The following TNXB variants were observed in gnomAD, a reference collection of about 807,000 sequenced individuals.
TNXB encodes tenascin XB, also known as tenascin-X.
A neutral mutation model predicts 340.5 loss-of-function variants in TNXB; 183 were observed. The ratio of observed to expected loss-of-function variants is 0.54; its 90% CI spans 0.48 to 0.61. The LOEUF is 0.61. TNXB is among the 20% of genes least tolerant of loss of function. TNXB has a pLI of 0.00. For synonymous variants in TNXB, 2,121 were observed against 2,314.5 expected, an observed-to-expected ratio of 0.92 and a Z score of 2.40; for missense variants, 4,613 against 5,446.4, an observed-to-expected ratio of 0.85 and a Z score of 4.82.
Position 32,105,347 on chromosome 6 carries a change from G to A in TNXB, c.-9+3834C>T, listed in dbSNP as rs368970652. 1.4e-4 allele frequency among the ~76,000 whole-genome samples: 22 copies of A among 152,206 alleles called. No individual in the cohort carries two copies. In the South Asian group the frequency reaches 4.4e-3, roughly 30 times the overall value. ...GCATCATGCCATTCTCATGTGTAGC[G>A]TTTATAACAATTTGCAATCATATAT... is the stretch of plus-strand genomic sequence containing the variant. On this transcript the variant is annotated intron_variant, in intron 1 of 43. Coordinates refer to ENST00000644971, the MANE Select transcript of TNXB (RefSeq NM_001365276.2).
Position 32,044,010 on chromosome 6 carries a change from C to T in TNXB, c.11383G>A (p.Gly3795Arg), listed in dbSNP as rs1430006747. 6.3e-6 allele frequency: 10 copies of T among 1,592,484 alleles called. No individual in the cohort carries two copies. The highest frequency in any genetic ancestry group is 1.8e-4 in the Middle Eastern group (1 of 5,508). The change falls in exon 34 of 44, where the codon GGA becomes AGA. Residue 3795 changes from glycine to arginine, a missense_variant. This residue lies in a region of TNXB where 14 missense variants were observed against 33.4 expected (regional missense o/e 0.42). Transcript: ENST00000644971. Reference sequence around the variant, plus strand: ...GAGCACATGGCAAAGGCACCACCTCCGTCCGCCAGCTGGTAGGAGACTTTG... The same window carrying T: ...GAGCACATGGCAAAGGCACCACCTCTGTCCGCCAGCTGGTAGGAGACTTTG... ...SFKVSYQLAD[G>R]GEPQSVQVDG...
Position 32,041,912 on chromosome 6 carries a change from G to C in TNXB, c.12492C>G (p.Ser4164Arg), listed in dbSNP as rs1373672488. 1.5e-6 allele frequency: 1 copy of C among 664,610 alleles called. No individual in the cohort carries two copies. Among genetic ancestry groups the C allele is most frequent in the Non-Finnish European group, 2.6e-6 (1 of 388,218 alleles). The allele number at this position is 664,610 out of a possible 1,614,324, so 41.2% of individuals were successfully genotyped here. Residue 4164 changes from serine to arginine, a missense_variant, in exon 43 of 44, where the codon AGC becomes AGG. Physicochemically the swap from Ser to Arg is moderately radical, Grantham distance 110. This residue lies in a region of TNXB where 121 missense variants were observed against 177.4 expected (regional missense o/e 0.68). Transcript: ENST00000644971. ...GATCACGGGCAGAGAAGACACTGCC[G>C]CTGTGGTAGCTCATGGAGTCCCCTG... ...GTAGDSMSYH[S>R]GSVFSARDRD...
chr6:32,055,283 G>A (rs574256009), intron 24 of TNXB, among the ~76,000 whole-genome samples: 1 of 152,312 alleles, frequency 6.6e-6, no homozygotes, highest in African/African-American at 2.4e-5. Context: ...ACTGCATGGA[G>A]CATAATTCCA....
Position 32,043,272 on chromosome 6 carries a change from G to T in TNXB, c.11697C>A (p.Pro3899=), listed in dbSNP as rs1338917356. The change falls in exon 37 of 44, where the codon CCC becomes CCA. Residue 3899 remains proline, a synonymous_variant. Transcript: ENST00000644971. ...TGGTGTGGAGGACAAGGTCATGCAG[G>T]GGGTAGTCCACCGCGCTGCCTGGGG... The part of the protein sequence containing the change: ...AETPGSAVDY[P]LHDLVLHTNY... 3.2e-6 allele frequency: 1 copy of T among 308,474 alleles called. No homozygotes were observed. Among genetic ancestry groups the T allele is most frequent in the Non-Finnish European group, 5.6e-6 (1 of 179,804 alleles). 19.1% of individuals were successfully genotyped at this position (308,474 alleles called of 1,614,324 possible). A position where few individuals can be genotyped will look rare whatever the true frequency, so the allele number is the denominator to read the frequency against.
rs1369835119 is a variant in TNXB, at chr6:32,072,591, T to C, written c.4682-293A>G. On this transcript the variant is annotated intron_variant, in intron 12 of 43. Transcript: ENST00000644971. This position sits in a 1 kb window ranked among gnomAD's most constrained non-coding sequence, Gnocchi z 4.4. ...CCATCACTGCTTCTAAATTTTGTAG[T>C]TTAGTAAACGCGCCACCAAGTCCTG... Among the ~76,000 whole-genome samples, 1 of 152,226 alleles carries C rather than the reference T, an allele frequency of 6.6e-6. No individual in the cohort carries two copies. Among genetic ancestry groups the C allele is most frequent in the Non-Finnish European group, 1.5e-5 (1 of 68,032 alleles).
Position 32,096,180 on chromosome 6 carries a change from C to T in TNXB, c.1673G>A (p.Ser558Asn), listed in dbSNP as rs1382744307. Reference sequence around the variant, plus strand: ...GCGGCCTCGGCAGCCCCCGGGGCAGCTGCGCGTGCTGCAGTCTTCCCCTGA... The same window carrying T: ...GCGGCCTCGGCAGCCCCCGGGGCAGTTGCGCGTGCTGCAGTCTTCCCCTGA... ...GYSGEDCSTRSCPGGCRGRGQ... is the reference protein window; with the variant it reads ...GYSGEDCSTRNCPGGCRGRGQ... The change falls in exon 3 of 44, where the codon AGC becomes AAC. Residue 558 changes from serine (S) to asparagine (N), a missense_variant. By Grantham distance (46) the Ser-to-Asn change is conservative (BLOSUM62 1). This residue lies in a region of TNXB where 4,327 missense variants were observed against 4,859.4 expected (regional missense o/e 0.89). Coordinates refer to ENST00000644971, the MANE Select transcript of TNXB (RefSeq NM_001365276.2). The T allele has an allele frequency of 6.4e-7, 1 of 1,568,762 alleles. No homozygotes were observed. Among genetic ancestry groups the T allele is most frequent in the Non-Finnish European group, 8.6e-7 (1 of 1,159,574 alleles).
rs1434259006 is a variant in TNXB at position 32,070,594 on chromosome 6, G to A, written c.4991-180C>T. ...ATGCCTCTCTCCCCTTGACCCAAGT[G>A]GGGAGGGTCACCTGTCCTGAGTCAC... On this transcript the variant is annotated intron_variant, in intron 13 of 43. Coordinates refer to ENST00000644971, the MANE Select transcript of TNXB (RefSeq NM_001365276.2). This position sits in a 1 kb window ranked among gnomAD's most constrained non-coding sequence, Gnocchi z 6.0. Among the ~76,000 whole-genome samples, 1 of 152,110 alleles carries A rather than the reference G, an allele frequency of 6.6e-6. No individual in the cohort carries two copies. Among genetic ancestry groups the A allele is most frequent in the African/African-American group, 2.4e-5 (1 of 41,422 alleles).
rs778340683 is a variant in TNXB, at chr6:32,046,319, C to T, written c.10462G>A (p.Gly3488Arg). The T allele has an allele frequency of 5.0e-6, 8 of 1,606,758 alleles. No homozygotes were observed. Among genetic ancestry groups the T allele is most frequent in the East Asian group, 2.2e-5 (1 of 44,878 alleles). Residue 3488 changes from glycine to arginine, a missense_variant, in exon 31 of 44, where the codon GGG (glycine) becomes AGG (arginine). Coordinates refer to ENST00000644971, the MANE Select transcript of TNXB (RefSeq NM_001365276.2). This position sits in a 1 kb window ranked among gnomAD's most constrained non-coding sequence, Gnocchi z 6.9. ...SFVVQYRDTD[G>R]QPRAVPVAAD... is the part of the protein sequence containing the mutation. ...GCCACAGGCACTGCCCTGGGCTGCCCGTCCGTGTCCCTGTACTGGACCACG... is the reference window on the plus strand; with the variant it reads ...GCCACAGGCACTGCCCTGGGCTGCCTGTCCGTGTCCCTGTACTGGACCACG...
In TNXB at chr6:32,095,124, G is replaced by A; in HGVS notation, c.2310C>T (p.Thr770=). The A allele has an allele frequency of 1.3e-6, 2 of 1,549,604 alleles. No homozygotes were observed. The highest frequency in any genetic ancestry group is 1.7e-6 in the Non-Finnish European group (2 of 1,146,246). ...AGGCATCCACGGGGCCAGGAGCCGG[G>A]GTCCACTCTGTCCGAACTGTTGTCT... ...LEETTVRTEW[T]PAPGPVDAYE... The change falls in exon 4 of 44, where the codon ACC becomes ACT. Residue 770 remains threonine (T), a synonymous_variant. Transcript: ENST00000644971.
chr6:32,061,984 CA>C lies in TNXB; in HGVS notation c.7168+172del, dbSNP rs1220968718. ...AAACTCCCAATGGCCCCTCCCTGCT[CA>C]GGGGGAGCCAGGGGTCAACCACACA... On this transcript the variant is annotated intron_variant, in intron 20 of 43. Coordinates refer to ENST00000644971, the MANE Select transcript of TNXB (RefSeq NM_001365276.2). This position sits in a 1 kb window ranked among gnomAD's most constrained non-coding sequence, Gnocchi z 4.4. Among the ~76,000 whole-genome samples, 5 of 152,198 alleles carry C rather than the reference CA, an allele frequency of 3.3e-5. No homozygotes were observed. The highest frequency in any genetic ancestry group is 7.3e-5 in the Non-Finnish European group (5 of 68,034).
In TNXB at chr6:32,049,763, A is replaced by G. The variant is rs2242568; in HGVS notation, c.9440-176T>C. Among the ~76,000 whole-genome samples, 450 of 151,530 alleles carry G rather than the reference A, an allele frequency of 3.0e-3. 13 individuals carry two copies. In the East Asian group the frequency reaches 0.056, roughly 19 times the overall value. On this transcript the variant is annotated intron_variant, in intron 27 of 43. Coordinates refer to ENST00000644971, the MANE Select transcript of TNXB (RefSeq NM_001365276.2). This position sits in a 1 kb window ranked among gnomAD's most constrained non-coding sequence, Gnocchi z 4.5. ...AACACACGTAACAAGTTCCAGGGTCAGCTGTGGGGGACCTGGCACAGCCAC... is the reference window on the plus strand; with the variant it reads ...AACACACGTAACAAGTTCCAGGGTCGGCTGTGGGGGACCTGGCACAGCCAC...
intron 26 of TNXB, 32 bp from the exon 27 acceptor site, chr6:32,050,353 C>A (rs1216309559): frequency 1.2e-6 from 2 of 1,604,578 alleles, no homozygotes; most frequent in East Asian, 4.5e-5. Context: ...CAGTGAGGAC[C>A]CTGGGTTCTC....
chr6:32,046,040 C>T lies in TNXB; in HGVS notation c.10606+135G>A, dbSNP rs1435966782. On this transcript the variant is annotated intron_variant, in intron 31 of 43. Transcript: ENST00000644971. The surrounding 1 kb of genome is among the most constrained non-coding windows in gnomAD (Gnocchi z 6.9). ...GTTGAAGCCCACAGGGCTGCAGACT[C>T]CTCCTCCTTCCTGGGGACAGGCCAG... 1.4e-6 allele frequency: 2 copies of T among 1,428,876 alleles called. No homozygotes were observed. The highest frequency in any genetic ancestry group is 1.8e-6 in the Non-Finnish European group (2 of 1,095,402). 88.5% of individuals were successfully genotyped at this position (1,428,876 alleles called of 1,614,324 possible).
rs1293879773 is a variant in TNXB at position 32,076,950 on chromosome 6, C to G, written c.4375+2083G>C. Among the ~76,000 whole-genome samples, 4 of 151,918 alleles carry G rather than the reference C, an allele frequency of 2.6e-5. No homozygotes were observed. The East Asian group carries it at 7.7e-4, about 29-fold the overall frequency. On this transcript the variant is annotated intron_variant, in intron 11 of 43. Coordinates refer to ENST00000644971, the MANE Select transcript of TNXB (RefSeq NM_001365276.2). ...TGAGCTGAGATCATGCCACTGCACT[C>G]CAGCCTGGGTGACAAAGCAAGACTC...
chr6:32,068,319 C>T lies in TNXB; in HGVS notation c.6220+71G>A, dbSNP rs1483901007. On this transcript the variant is annotated intron_variant, in intron 17 of 43. Transcript: ENST00000644971. The surrounding 1 kb of genome is among the most constrained non-coding windows in gnomAD (Gnocchi z 5.3). The stretch of plus-strand genomic sequence containing the variant: ...ACCAGACCCTTGTCCCATTCCCCAC[C>T]AGTCATCACCAAAGAGCAAGAGGGT... 1 of 1,557,704 alleles carries T rather than the reference C, an allele frequency of 6.4e-7. No homozygotes were observed.
At position 32,056,096 on chromosome 6, in the gene TNXB, T is replaced by G; in HGVS notation, c.8222A>C (p.Glu2741Ala). 1 of 1,612,484 alleles carries G rather than the reference T, an allele frequency of 6.2e-7. No homozygotes were observed. Among genetic ancestry groups the G allele is most frequent in the Non-Finnish European group, 8.5e-7 (1 of 1,179,778 alleles). ...PEPPEEPLLG[E>A]LTVTGSSPDS... ...AGGGGAGGATCCTGTCACTGTCAGC[T>G]CCCCCAGGAGCGGCTCCTCAGGGGG... The change falls in exon 24 of 44, where the codon GAG (glutamate) becomes GCG (alanine). Residue 2741 changes from glutamate (E) to alanine (A), a missense_variant. Glu to Ala is a moderately radical substitution (Grantham distance 107). Coordinates refer to ENST00000644971, the MANE Select transcript of TNXB (RefSeq NM_001365276.2).
chr6:32,069,923 CG>C lies in TNXB; in HGVS notation c.5279-63del. On this transcript the variant is annotated intron_variant, in intron 14 of 43. Coordinates refer to ENST00000644971, the MANE Select transcript of TNXB (RefSeq NM_001365276.2). This position sits in a 1 kb window ranked among gnomAD's most constrained non-coding sequence, Gnocchi z 6.2. The stretch of plus-strand genomic sequence containing the variant: ...TTTCTGGAAGACTGGGTGACCTCGA[CG>C]GGCAGGATTGAGAGGTCTGGAGACA... 6.7e-7 allele frequency: 1 copy of C among 1,488,886 alleles called. No homozygotes were observed. The highest frequency in any genetic ancestry group is 9.0e-7 in the Non-Finnish European group (1 of 1,110,006). The allele number at this position is 1,488,886 out of a possible 1,614,324, so 92.2% of individuals were successfully genotyped here.
At chr6:32,077,609 C>T (rs2127240529) in intron 11 of TNXB, among the ~76,000 whole-genome samples, 1 of 152,368 alleles carries the variant, frequency 6.6e-6, no homozygotes, top group African/African-American at 2.4e-5. Context: ...GGCTGAGGCC[C>T]TGGAGAGGAG....
rs1027111233 is a variant in TNXB at position 32,074,741 on chromosome 6, C to T, written c.4376-789G>A. Among the ~76,000 whole-genome samples the T allele has an allele frequency of 1.6e-4, 25 of 152,150 alleles. 1 individual carries two copies. Among genetic ancestry groups the T allele is most frequent in the African/African-American group, 6.0e-4 (25 of 41,510 alleles). On this transcript the variant is annotated intron_variant, in intron 11 of 43. Coordinates refer to ENST00000644971, the MANE Select transcript of TNXB (RefSeq NM_001365276.2). The surrounding 1 kb of genome is among the most constrained non-coding windows in gnomAD (Gnocchi z 5.5). ...TGTTGCTCAGGCTGGTGTGCGATGG[C>T]GCCCTCTCGGCTCACCGCAACCTAC...
Sources: allele counts gnomAD v4.1 joint callset (sites outside exome capture counted in the v4.1 genomes callset), GRCh38; gene constraint gnomAD v4.1.1; regional missense constraint gnomAD v4.1.1; non-coding constraint Gnocchi (gnomAD v3.1); transcripts MANE v1.5; gene names NCBI Gene and HGNC (gene_info 2026-07-23, HGNC 2026-07-21).